The following SESTD1 variants were observed in gnomAD, a reference collection of about 807,000 sequenced individuals.
SESTD1 encodes SEC14 and spectrin domain containing 1.
SESTD1 carries 43 observed loss-of-function variants against 101.7 expected under a neutral mutation model. The observed-to-expected ratio is 0.42, with a 90% confidence interval of 0.33 to 0.55. The LOEUF (loss-of-function observed/expected upper bound fraction) is 0.55. Among genes scored for constraint, SESTD1 ranks in the 20% least tolerant of loss-of-function variants. SESTD1 has a pLI of 0.07. For synonymous variants in SESTD1, 283 were observed against 286.8 expected, an observed-to-expected ratio of 0.99 and a Z score of 0.13; for missense variants, 647 against 815.1, an observed-to-expected ratio of 0.79 and a Z score of 2.51.
chr2:179,144,848 G>T (rs559647087), intron 8 of SESTD1, among the ~76,000 whole-genome samples: 2 of 151,892 alleles, frequency 1.3e-5, no homozygotes, highest in Non-Finnish European at 2.9e-5. Flanking sequence ...AATAGAAATT[G>T]TAAAAGCTTC....
chr2:179,145,588 C>T (rs938709203), intron 8 of SESTD1, among the ~76,000 whole-genome samples: 5 of 152,170 alleles, frequency 3.3e-5, no homozygotes, highest in African/African-American at 9.7e-5. Context: ...TGTGAAACTG[C>T]TACTAGAGAT....
At chr2:179,124,200 GT>G (rs1392664451) in intron 11 of SESTD1, among the ~76,000 whole-genome samples, 163 bp downstream of exon 11, 2 of 151,914 alleles carry the variant, frequency 1.3e-5, no homozygotes, top group Non-Finnish European at 2.9e-5. Context: ...AAAAATACTT[GT>G]TTTTAAAAAA....
At chr2:179,260,603 C>T (rs1233600277) in intron 1 of SESTD1, among the ~76,000 whole-genome samples, 1 of 152,152 alleles carries the variant, frequency 6.6e-6, no homozygotes, top group Non-Finnish European at 1.5e-5. Context: ...GTTTAAAGGG[C>T]AGATATTTTA....
chr2:179,127,900 G>C (rs975849580), intron 10 of SESTD1, among the ~76,000 whole-genome samples: 1 of 152,072 alleles, frequency 6.6e-6, no homozygotes, highest in Non-Finnish European at 1.5e-5. Context: ...AAATATAAAA[G>C]GATTTCAATA....
chr2:179,231,030 A>G (rs1025256086), intron 1 of SESTD1, among the ~76,000 whole-genome samples: 3 of 152,216 alleles, frequency 2.0e-5, no homozygotes, highest in African/African-American at 4.8e-5. Context: ...GCAAGGCCAC[A>G]TTATAAAAAG....
At chr2:179,148,397 A>C (rs1345517742) in intron 7 of SESTD1, among the ~76,000 whole-genome samples, 1 of 152,244 alleles carries the variant, frequency 6.6e-6, no homozygotes, top group Non-Finnish European at 1.5e-5. Flanking sequence ...TTGCTCTACC[A>C]ACAGAAAAGT....
At chr2:179,114,347 T>G (rs1414854413) in intron 16 of SESTD1, among the ~76,000 whole-genome samples, 1 of 152,182 alleles carries the variant, frequency 6.6e-6, no homozygotes, top group Non-Finnish European at 1.5e-5. Context: ...TGCTAATATC[T>G]CAAAGTGTAT....
chr2:179,156,250 T>C (rs1272845124), intron 5 of SESTD1, among the ~76,000 whole-genome samples: 2 of 152,158 alleles, frequency 1.3e-5, no homozygotes, highest in Admixed American at 1.3e-4. Flanking sequence ...GGGACTTGGG[T>C]TGGCTCTATG....
At chr2:179,115,758 A>T (rs1057408707) in intron 15 of SESTD1, among the ~76,000 whole-genome samples, 37 of 152,006 alleles carry the variant, frequency 2.4e-4, no homozygotes, top group African/African-American at 8.0e-4. Flanking sequence ...AAAAAAACAA[A>T]AATTGTTTTA....
At chr2:179,137,180 C>T (rs557644495) in intron 9 of SESTD1, among the ~76,000 whole-genome samples, 1 of 152,266 alleles carries the variant, frequency 6.6e-6, no homozygotes, top group African/African-American at 2.4e-5. Context: ...CAAATGGTTA[C>T]ATTTACATGC....
intron 1 of SESTD1, among the ~76,000 whole-genome samples, chr2:179,228,687 C>T (rs1168064079): frequency 1.3e-5 from 2 of 152,090 alleles, no homozygotes; most frequent in Non-Finnish European, 2.9e-5. Context: ...GTGTTAGTGG[C>T]CATGTAAATA....
At position 179,116,786 on chromosome 2, in the gene SESTD1, A is replaced by T. The variant is rs2044642983; in HGVS notation, c.1529T>A (p.Val510Glu). ...ATCCAGAAGTTCACTTAGCCATTCT[A>T]CTGCCTAAACAAAAAGACATAACAA... ...FKCEEDAAQA[V>E]EWLSELLDAL... Residue 510 changes from valine (V) to glutamate (E), a missense_variant, in exon 15 of 18, where the codon GTA becomes GAA. By Grantham distance (121) the Val-to-Glu change is moderately radical. This residue lies in a region of SESTD1 where 476 missense variants were observed against 562.6 expected (regional missense o/e 0.85). Coordinates refer to ENST00000428443, the MANE Select transcript of SESTD1 (RefSeq NM_178123.5). 1 of 1,613,050 alleles carries T rather than the reference A, an allele frequency of 6.2e-7. No homozygotes were observed. Among genetic ancestry groups the T allele is most frequent in the Non-Finnish European group, 8.5e-7 (1 of 1,179,318 alleles).
chr2:179,102,559 A>G lies in SESTD1; in HGVS notation c.*7340T>C, dbSNP rs1036374123. 4 of 152,136 alleles carry G rather than the reference A, an allele frequency of 2.6e-5. No homozygotes were observed. Among genetic ancestry groups the G allele is most frequent in the African/African-American group, 9.7e-5 (4 of 41,440 alleles). 9.4% of individuals were successfully genotyped at this position (152,136 alleles called of 1,614,324 possible). Reference sequence around the variant, plus strand: ...TTTATTGCATATTTACAATGTGTGGAACATTATAAGGATTTACAGTAGAAG... The same window carrying G: ...TTTATTGCATATTTACAATGTGTGGGACATTATAAGGATTTACAGTAGAAG... On this transcript the variant is annotated 3_prime_UTR_variant, in exon 18 of 18. Transcript: ENST00000428443.
chr2:179,120,978 A>G (rs2154393967), intron 13 of SESTD1, among the ~76,000 whole-genome samples: 1 of 152,320 alleles, frequency 6.6e-6, no homozygotes, highest in South Asian at 2.1e-4. Flanking sequence ...GGTGATCAGA[A>G]TCAGAGCCTA....
At chr2:179,165,038 G>A (rs1162037437) in intron 5 of SESTD1, among the ~76,000 whole-genome samples, 3 of 152,126 alleles carry the variant, frequency 2.0e-5, no homozygotes, top group Non-Finnish European at 2.9e-5. Context: ...GAGCATCTAT[G>A]TTGGATTTAA....
chr2:179,237,701 T>C (rs1490745502), intron 1 of SESTD1, among the ~76,000 whole-genome samples: 5 of 152,220 alleles, frequency 3.3e-5, no homozygotes, highest in Admixed American at 6.5e-5. Context: ...ACTTGTAATA[T>C]GACACATATG....
At chr2:179,137,730 C>T (rs2045183213) in intron 9 of SESTD1, among the ~76,000 whole-genome samples, 1 of 152,172 alleles carries the variant, frequency 6.6e-6, no homozygotes, top group Non-Finnish European at 1.5e-5. Flanking sequence ...ATGGTTATTA[C>T]TTATATAATT....
intron 2 of SESTD1, among the ~76,000 whole-genome samples, chr2:179,184,013 A>G: frequency 6.6e-6 from 1 of 152,130 alleles, no homozygotes; most frequent in East Asian, 1.9e-4. Context: ...TCAGACAGGC[A>G]TATACTGTTC....
intron 1 of SESTD1, among the ~76,000 whole-genome samples, chr2:179,219,402 C>T (rs1008629659): frequency 1.1e-4 from 16 of 152,242 alleles, no homozygotes; most frequent in African/African-American, 3.4e-4. Flanking sequence ...ATTAGGGTAG[C>T]GTAGGGGTAA....
Sources: gnomAD v4.1 joint callset for allele counts (sites outside exome capture counted in the v4.1 genomes callset) on GRCh38, gnomAD v4.1.1 for gene constraint, gnomAD v4.1.1 regional missense constraint, MANE v1.5 for transcripts, NCBI Gene and HGNC (gene_info 2026-07-23, HGNC 2026-07-21) for gene names.